PPHLN1: variants seen among roughly 807,000 people sequenced by gnomAD.
The protein encoded by PPHLN1 is periphilin 1.
Under a neutral mutation model 51.3 loss-of-function variants are expected in PPHLN1, and 29 were observed. The observed-to-expected ratio is 0.57, with a 90% confidence interval of 0.42 to 0.77. The LOEUF (loss-of-function observed/expected upper bound fraction) is 0.77, where lower values mean the gene tolerates loss of function less well. Among genes scored for constraint, PPHLN1 ranks in the 30% least tolerant of loss-of-function variants. The probability of loss-of-function intolerance (pLI) is 0.00; values close to 1 mark genes in which losing one functional copy is unlikely to be tolerated. For missense variants in PPHLN1, 436 were observed against 438.4 expected, an observed-to-expected ratio of 0.99 and a Z score of 0.05; for synonymous variants, 147 against 147.8, an observed-to-expected ratio of 0.99 and a Z score of 0.04.
intron 1 of PPHLN1, chr12:42,332,786 T>TA (rs2069970599): frequency 1.3e-6 from 1 of 742,138 alleles, no homozygotes; most frequent in South Asian, 2.2e-5. Flanking sequence ...ATTTCAGTAT[T>TA]AAACTACATA....
intron 4 of PPHLN1, among the ~76,000 whole-genome samples, chr12:42,365,842 T>A (rs540200525): frequency 5.3e-5 from 8 of 152,228 alleles, no homozygotes; most frequent in Non-Finnish European, 1.0e-4. Flanking sequence ...GGCCTCATAA[T>A]CCTGGTTGTA....
intron 8 of PPHLN1, among the ~76,000 whole-genome samples, chr12:42,396,615 C>CAAAGA (rs2078223579): frequency 1.2e-5 from 1 of 85,484 alleles, no homozygotes; most frequent in Non-Finnish European, 2.0e-5. Flanking sequence ...CTTGTCACTA[C>CAAAGA]AAAAAAAAAA....
intron 9 of PPHLN1, chr12:42,433,369 G>A (rs2082205804): frequency 2.1e-6 from 1 of 465,676 alleles, no homozygotes; most frequent in African/African-American, 2.0e-5. Context: ...CTTACTTAAG[G>A]GAGAATGCAG....
At chr12:42,430,382 T>G (rs1204134875) in intron 9 of PPHLN1, among the ~76,000 whole-genome samples, 1 of 152,168 alleles carries the variant, frequency 6.6e-6, no homozygotes, top group Non-Finnish European at 1.5e-5. Context: ...AATGTAACTT[T>G]TGACTGTCCC....
intron 2 of PPHLN1, among the ~76,000 whole-genome samples, chr12:42,342,529 A>G (rs1310322444): frequency 6.6e-6 from 1 of 152,240 alleles, no homozygotes; most frequent in Non-Finnish European, 1.5e-5. Flanking sequence ...TGCAACATAA[A>G]ATGTCGATTT....
chr12:42,368,508 C>G (rs987699686), intron 4 of PPHLN1, among the ~76,000 whole-genome samples: 1 of 152,010 alleles, frequency 6.6e-6, no homozygotes, highest in African/African-American at 2.4e-5. Context: ...GAAAATGAAG[C>G]TCAGAGAGGT....
chr12:42,395,206 A>T (rs2078091931), intron 8 of PPHLN1, among the ~76,000 whole-genome samples: 1 of 152,062 alleles, frequency 6.6e-6, no homozygotes, highest in South Asian at 2.1e-4. Flanking sequence ...AATTCGCTAG[A>T]TTTCAAATTA....
At chr12:42,419,446 C>T (rs2139665598) in intron 9 of PPHLN1, among the ~76,000 whole-genome samples, 1 of 152,226 alleles carries the variant, frequency 6.6e-6, no homozygotes, top group South Asian at 2.1e-4. Flanking sequence ...GTTGGCTAAG[C>T]TGGTCTTGAA....
intron 3 of PPHLN1, among the ~76,000 whole-genome samples, chr12:42,352,507 T>C (rs887051507): frequency 6.6e-6 from 1 of 151,634 alleles, no homozygotes; most frequent in Non-Finnish European, 1.5e-5. Flanking sequence ...CCTCCTGGGT[T>C]CAAGTGATTC....
intron 5 of PPHLN1, among the ~76,000 whole-genome samples, chr12:42,378,389 G>A (rs181198291): frequency 3.9e-5 from 6 of 151,944 alleles, no homozygotes; most frequent in African/African-American, 1.4e-4. Flanking sequence ...ACCAGTTTTT[G>A]CTTTAAATGT....
At chr12:42,369,237 A>G (rs185379936) in intron 4 of PPHLN1, among the ~76,000 whole-genome samples, 3 of 152,252 alleles carry the variant, frequency 2.0e-5, no homozygotes, top group African/African-American at 7.2e-5. Flanking sequence ...TTTACTTCAT[A>G]TGTTTTATCT....
chr12:42,328,722 T>C (rs1167187841), intron 1 of PPHLN1, among the ~76,000 whole-genome samples: 1 of 152,220 alleles, frequency 6.6e-6, no homozygotes, highest in Admixed American at 6.5e-5. Flanking sequence ...TATTTTTTTA[T>C]TTTTTGAGAC....
rs1592983848 is a variant in PPHLN1, at chr12:42,431,798, C to T, written c.910-9517C>T. The T allele has an allele frequency of 4.1e-6, 5 of 1,206,212 alleles. No individual in the cohort carries two copies. In the East Asian group the frequency reaches 9.3e-5, roughly 22 times the overall value. The allele number at this position is 1,206,212 out of a possible 1,614,324, so 74.7% of individuals were successfully genotyped here. On this transcript the variant is annotated intron_variant, in intron 9 of 9. Transcript: ENST00000358314. ...AAGCACTAGTCGGGCTATTTATTGC[C>T]TTTTCTGAAGGACCATGCTCTTCAA...
chr12:42,418,243 A>G (rs1384400920), intron 9 of PPHLN1, among the ~76,000 whole-genome samples: 3 of 131,002 alleles, frequency 2.3e-5, no homozygotes, highest in Non-Finnish European at 4.7e-5. Flanking sequence ...TTTTTAATCA[A>G]CGCAGGAAAT....
rs548781757 is a variant in PPHLN1, at chr12:42,341,206, C to T, written c.72+5232C>T. Among the ~76,000 whole-genome samples, 27 of 152,206 alleles carry T rather than the reference C, an allele frequency of 1.8e-4. 1 individual carries two copies. Among genetic ancestry groups the T allele is most frequent in the African/African-American group, 5.8e-4 (24 of 41,524 alleles). On this transcript the variant is annotated intron_variant, in intron 2 of 9. Transcript: ENST00000358314. ...CCATGTTGACCAGGCTGGTTTCAAA[C>T]TCCTGACCTCAGGTGATCCGCCTCG... is the stretch of plus-strand genomic sequence containing the variant.
chr12:42,350,351 C>T (rs1223215379), intron 2 of PPHLN1: 1 of 160,008 alleles, frequency 6.2e-6, no homozygotes. Context: ...AAGAGGCGCT[C>T]CTCACTTCCC....
intron 9 of PPHLN1, among the ~76,000 whole-genome samples, chr12:42,402,379 T>C (rs1348426720): frequency 6.6e-6 from 1 of 152,214 alleles, no homozygotes. Flanking sequence ...AAAAATTGAG[T>C]TAATTCAGAC....
At chr12:42,393,530 G>A in intron 7 of PPHLN1, 40 bp from the exon 8 acceptor site, 1 of 1,522,920 alleles carries the variant, frequency 6.6e-7, no homozygotes. Context: ...AAGTTTAAAA[G>A]CCCTTGAGAA....
chr12:42,445,978 C>T (rs1302934181), downstream of PPHLN1: 2 of 1,504,658 alleles, frequency 1.3e-6, no homozygotes, highest in South Asian at 2.6e-5. Context: ...CTCAGGCCCT[C>T]TTTGGATTCC....
Sources: allele counts gnomAD v4.1 joint callset (sites outside exome capture counted in the v4.1 genomes callset), GRCh38; gene constraint gnomAD v4.1.1; transcripts MANE v1.5; gene names NCBI Gene and HGNC (gene_info 2026-07-23, HGNC 2026-07-21).